Variants in ADAM22 observed in about 807,000 individuals in gnomAD.
The protein encoded by ADAM22 is ADAM metallopeptidase domain 22, also known as disintegrin and metalloproteinase domain-containing protein 22.
In ADAM22, 65 loss-of-function variants were observed where a neutral mutation model predicts 144.6. That is an observed-to-expected ratio of 0.45 (90% CI 0.37 to 0.55). The LOEUF (loss-of-function observed/expected upper bound fraction) is 0.55. ADAM22 is among the 20% of genes least tolerant of loss of function. The pLI, the probability that ADAM22 is intolerant of heterozygous loss-of-function variation, is 0.00. For missense variants in ADAM22, 974 were observed against 1,184.9 expected (o/e 0.82, Z 2.61); for synonymous variants, 391 against 412.6 (o/e 0.95, Z 0.63).
At chr7:88,056,223 A>G (rs1474581435) in intron 3 of ADAM22, among the ~76,000 whole-genome samples, 6 of 152,284 alleles carry the variant, frequency 3.9e-5, no homozygotes, top group East Asian at 1.9e-4. Context: ...AGAAAAGGAC[A>G]ATGCTTAATT....
At chr7:88,148,322 A>G (rs188482132) in intron 17 of ADAM22, among the ~76,000 whole-genome samples, 39 of 152,220 alleles carry the variant, frequency 2.6e-4, no homozygotes, top group Non-Finnish European at 5.1e-4. Context: ...TTTCATTTTA[A>G]TGAGTACTCC....
intron 21 of ADAM22, among the ~76,000 whole-genome samples, chr7:88,154,540 A>G (rs1199495243): frequency 6.6e-6 from 1 of 151,918 alleles, no homozygotes; most frequent in Admixed American, 6.6e-5. Context: ...TCTTCTTTGA[A>G]CTTCCACAGC....
At chr7:88,055,532 C>G (rs1332113022) in intron 3 of ADAM22, among the ~76,000 whole-genome samples, 3 of 152,096 alleles carry the variant, frequency 2.0e-5, no homozygotes, top group African/African-American at 7.2e-5. Flanking sequence ...GTAGAGCAGA[C>G]AGATTCTCAT....
intron 3 of ADAM22, among the ~76,000 whole-genome samples, chr7:88,005,735 T>C (rs1248492069): frequency 6.6e-6 from 1 of 152,142 alleles, no homozygotes; most frequent in Non-Finnish European, 1.5e-5. Context: ...AGGTCCAGGG[T>C]TGAATCCAGG....
At chr7:88,054,089 G>A (rs1171149022) in intron 3 of ADAM22, among the ~76,000 whole-genome samples, 2 of 152,152 alleles carry the variant, frequency 1.3e-5, no homozygotes. Flanking sequence ...CCAAGATCAT[G>A]CTACTGCACT....
At chr7:88,146,123 T>A (rs1358075890) in intron 17 of ADAM22, among the ~76,000 whole-genome samples, 1 of 152,208 alleles carries the variant, frequency 6.6e-6, no homozygotes, top group East Asian at 1.9e-4. Context: ...TGAGGCTTAC[T>A]TCCCCTAAAG....
At chr7:88,193,297 G>A in intron 31 of ADAM22, 58 bp downstream of exon 31, 1 of 1,546,636 alleles carries the variant, frequency 6.5e-7, no homozygotes, top group South Asian at 1.2e-5. Context: ...TTATCTATGA[G>A]TTTATATTTT....
Position 88,168,246 on chromosome 7 carries a change from T to A in ADAM22, c.2282+19T>A. Reference sequence around the variant, plus strand: ...GTTATAAGTAAGTGAAATGTCTCAGTCTTGTTACTATTGAAATATACTTCT... The same window carrying A: ...GTTATAAGTAAGTGAAATGTCTCAGACTTGTTACTATTGAAATATACTTCT... On this transcript the variant is annotated intron_variant, in intron 25 of 31. Transcript: ENST00000413139. The A allele has an allele frequency of 6.3e-7, 1 of 1,597,174 alleles. No homozygotes were observed. The highest frequency in any genetic ancestry group is 8.6e-7 in the Non-Finnish European group (1 of 1,165,190).
At chr7:88,058,364 A>T (rs559086213) in intron 3 of ADAM22, among the ~76,000 whole-genome samples, 2 of 152,236 alleles carry the variant, frequency 1.3e-5, no homozygotes, top group Non-Finnish European at 2.9e-5. Flanking sequence ...TTTGTTTCAC[A>T]TCTATAAACA....
chr7:88,088,641 T>C (rs1819047250), intron 4 of ADAM22, among the ~76,000 whole-genome samples: 2 of 152,272 alleles, frequency 1.3e-5, no homozygotes, highest in South Asian at 2.1e-4. Context: ...ACAGCAGTGA[T>C]AGAAAATTTC....
intron 5 of ADAM22, among the ~76,000 whole-genome samples, chr7:88,109,978 A>C (rs1825584903): frequency 6.6e-6 from 1 of 152,204 alleles, no homozygotes; most frequent in Non-Finnish European, 1.5e-5. Context: ...GGGAATAAGC[A>C]TATTAGGCAG....
At chr7:87,967,770 T>A (rs1418147864) in intron 2 of ADAM22, among the ~76,000 whole-genome samples, 3 of 126,812 alleles carry the variant, frequency 2.4e-5, no homozygotes, top group African/African-American at 9.4e-5. Context: ...ATCGCACCAC[T>A]GCACTCCAGC....
At chr7:88,094,935 A>G (rs1344403782) in intron 4 of ADAM22, among the ~76,000 whole-genome samples, 1 of 152,232 alleles carries the variant, frequency 6.6e-6, no homozygotes, top group African/African-American at 2.4e-5. Flanking sequence ...TGACTTTGCC[A>G]GTTAATATAC....
chr7:88,107,156 A>G (rs1452953112), intron 4 of ADAM22, among the ~76,000 whole-genome samples: 1 of 143,968 alleles, frequency 6.9e-6, no homozygotes, highest in African/African-American at 2.6e-5. Flanking sequence ...ACTTAGTTTT[A>G]TGTAAAAGAG....
intron 4 of ADAM22, among the ~76,000 whole-genome samples, chr7:88,105,669 T>C (rs1824178192): frequency 6.6e-6 from 1 of 152,220 alleles, no homozygotes; most frequent in East Asian, 1.9e-4. Context: ...GGTTCGAGGT[T>C]CAACATTGGG....
At chr7:87,944,826 T>TG (rs1363954613) in intron 2 of ADAM22, among the ~76,000 whole-genome samples, 8 of 151,384 alleles carry the variant, frequency 5.3e-5, no homozygotes, top group African/African-American at 1.7e-4. Context: ...GTTTTTTTTT[T>TG]TTTTGTTTTT....
intron 27 of ADAM22, among the ~76,000 whole-genome samples, chr7:88,179,334 A>C (rs1047568564): frequency 2.1e-4 from 32 of 152,170 alleles, no homozygotes; most frequent in Admixed American, 1.8e-3. Context: ...GGCTTAAGAA[A>C]CTATACATAG....
intron 3 of ADAM22, among the ~76,000 whole-genome samples, chr7:88,004,519 T>G (rs919984194): frequency 3.7e-4 from 57 of 152,246 alleles, no homozygotes; most frequent in African/African-American, 1.3e-3. Flanking sequence ...GCATTTACCA[T>G]GCCAGGCACT....
At chr7:88,182,647 A>AG (rs1223814390) in intron 29 of ADAM22, among the ~76,000 whole-genome samples, 1 of 151,956 alleles carries the variant, frequency 6.6e-6, no homozygotes, top group Admixed American at 6.6e-5. Context: ...TTTTTTTTTA[A>AG]GGGGGGTGGG....
Sources: gnomAD v4.1 joint callset for allele counts (sites outside exome capture counted in the v4.1 genomes callset) on GRCh38, gnomAD v4.1.1 for gene constraint, MANE v1.5 for transcripts, NCBI Gene and HGNC (gene_info 2026-07-23, HGNC 2026-07-21) for gene names.